The following NPAS3 variants were observed in gnomAD, a reference collection of about 807,000 sequenced individuals.
The protein encoded by NPAS3 is neuronal PAS domain protein 3, also known as neuronal PAS domain-containing protein 3.
NPAS3 carries 14 observed loss-of-function variants against 73.1 expected under a neutral mutation model. That is an observed-to-expected ratio of 0.19 (90% confidence interval 0.13 to 0.30). The LOEUF is 0.30. Ranked by LOEUF, NPAS3 falls within the 10% of genes least tolerant of loss-of-function variation. NPAS3 has a pLI of 1.00. For missense variants in NPAS3, 1,096 were observed against 1,250.0 expected, an observed-to-expected ratio of 0.88 and a Z score of 1.86; for synonymous variants, 620 against 541.5, an observed-to-expected ratio of 1.14 and a Z score of -2.01.
At chr14:33,389,131 C>T (rs2046896098) in intron 4 of NPAS3, among the ~76,000 whole-genome samples, 1 of 152,134 alleles carries the variant, frequency 6.6e-6, no homozygotes, top group Non-Finnish European at 1.5e-5. Context: ...ATCACACACT[C>T]TTGGCAAGAC....
chr14:33,123,353 C>T (rs148328096), intron 2 of NPAS3, among the ~76,000 whole-genome samples: 2,153 of 152,084 alleles, frequency 0.014, 21 homozygotes, highest in Non-Finnish European at 0.023. Context: ...ACAAGAGCAC[C>T]GTGTCAGGGA....
intron 6 of NPAS3, among the ~76,000 whole-genome samples, chr14:33,700,261 G>T (rs1481795581): frequency 6.6e-6 from 1 of 152,034 alleles, no homozygotes; most frequent in African/African-American, 2.4e-5. Flanking sequence ...TGTCTACCTC[G>T]CTGCTTCACA....
chr14:33,492,160 C>G (rs2051929095), intron 4 of NPAS3, among the ~76,000 whole-genome samples: 1 of 152,058 alleles, frequency 6.6e-6, no homozygotes, highest in South Asian at 2.1e-4. Flanking sequence ...AGATGTGTAA[C>G]CCCATTAACA....
intron 6 of NPAS3, among the ~76,000 whole-genome samples, chr14:33,677,124 G>T (rs1049125442): frequency 2.0e-5 from 3 of 152,180 alleles, no homozygotes; most frequent in Non-Finnish European, 4.4e-5. Context: ...TCATCAAGCT[G>T]TTCAAACACG....
intron 2 of NPAS3, among the ~76,000 whole-genome samples, chr14:33,085,990 A>C (rs2042012809): frequency 6.6e-6 from 1 of 152,122 alleles, no homozygotes; most frequent in South Asian, 2.1e-4. Context: ...AGTAGAAGGC[A>C]TATTGTCTCT....
At chr14:33,395,248 ATTAG>A (rs2047172392) in intron 4 of NPAS3, among the ~76,000 whole-genome samples, 1 of 152,176 alleles carries the variant, frequency 6.6e-6, no homozygotes, top group African/African-American at 2.4e-5. Flanking sequence ...TTAAAATAAT[ATTAG>A]TTCTGTCAGT....
In NPAS3 at chr14:33,004,255, C is replaced by T. The variant is rs80111562; in HGVS notation, c.51-51650C>T. 4.8e-3 allele frequency among the ~76,000 whole-genome samples: 724 copies of T among 152,178 alleles called. 3 individuals carry two copies. The highest frequency in any genetic ancestry group is 0.016 in the African/African-American group (653 of 41,510). The stretch of plus-strand genomic sequence containing the variant: ...TTAGGCTCCTTTGTCATTGTGCAAA[C>T]GTCATAGAGTACATTTACACAAACC... On this transcript the variant is annotated intron_variant, in intron 1 of 11. Coordinates refer to ENST00000356141, the Ensembl canonical transcript of NPAS3.
intron 2 of NPAS3, among the ~76,000 whole-genome samples, chr14:33,063,274 A>C (rs1222882651): frequency 6.6e-6 from 1 of 152,206 alleles, no homozygotes; most frequent in Non-Finnish European, 1.5e-5. Flanking sequence ...ACATACATTT[A>C]AAAAAATCCT....
intron 3 of NPAS3, among the ~76,000 whole-genome samples, chr14:33,229,048 A>G (rs1376557416): frequency 6.6e-6 from 1 of 152,192 alleles, no homozygotes; most frequent in Non-Finnish European, 1.5e-5. Context: ...ATGACATTTA[A>G]TGAGAATTGT....
Position 33,385,279 on chromosome 14 carries a change from G to A in NPAS3, c.468+18011G>A, listed in dbSNP as rs534072869. Among the ~76,000 whole-genome samples, 10 of 152,190 alleles carry A rather than the reference G, an allele frequency of 6.6e-5. No individual in the cohort carries two copies. In the East Asian group the frequency reaches 9.7e-4, roughly 15 times the overall value. On this transcript the variant is annotated intron_variant, in intron 4 of 11. Coordinates refer to ENST00000356141, the Ensembl canonical transcript of NPAS3. ...TGCCTTTGTTCACACAGCTGTTCTCGTGCTGTGGAGAAACTGCCACAGAAT... is the reference window on the plus strand; with the variant it reads ...TGCCTTTGTTCACACAGCTGTTCTCATGCTGTGGAGAAACTGCCACAGAAT...
At chr14:33,676,046 A>C (rs1282132176) in intron 5 of NPAS3, among the ~76,000 whole-genome samples, 165 bp from the exon 6 acceptor site, 1 of 151,858 alleles carries the variant, frequency 6.6e-6, no homozygotes, top group Non-Finnish European at 1.5e-5. Flanking sequence ...TTTCTCTTTC[A>C]CCTCAAGAAT....
chr14:33,090,409 A>G (rs1028542038), intron 2 of NPAS3, among the ~76,000 whole-genome samples: 9 of 152,348 alleles, frequency 5.9e-5, no homozygotes, highest in African/African-American at 1.9e-4. Flanking sequence ...GAAGGCCATT[A>G]CATAATGGTA....
chr14:32,966,606 T>TCAAAAAGCACAGGCAACAAAAGC (rs2037172772), intron 1 of NPAS3, among the ~76,000 whole-genome samples: 1 of 74,842 alleles, frequency 1.3e-5, no homozygotes, highest in Non-Finnish European at 3.1e-5. Context: ...CCGTCTCTAC[T>TCAAAAAGCACAGGCAACAAAAGC]AAAAATACAA....
chr14:33,426,330 G>C lies in NPAS3; in HGVS notation c.468+59062G>C, dbSNP rs547369815. Among the ~76,000 whole-genome samples the C allele has an allele frequency of 8.2e-4, 124 of 151,990 alleles. 1 individual carries two copies. The highest frequency in any genetic ancestry group is 5.0e-3 in the South Asian group (24 of 4,824). On this transcript the variant is annotated intron_variant, in intron 4 of 11. Coordinates refer to ENST00000356141, the Ensembl canonical transcript of NPAS3. ...CAGATGAAGCCTCCTGGCAGGGAGG[G>C]AGGTGTGGTGGAGGTAAGAGCTAAG...
chr14:33,413,011 T>C (rs1233998666), intron 4 of NPAS3, among the ~76,000 whole-genome samples: 1 of 152,158 alleles, frequency 6.6e-6, no homozygotes, highest in Non-Finnish European at 1.5e-5. Flanking sequence ...TTTTTAAAAA[T>C]ATAAGGGCTT....
chr14:33,640,938 A>G (rs74042351), intron 5 of NPAS3, among the ~76,000 whole-genome samples: 1,532 of 152,324 alleles, frequency 0.01, 32 homozygotes, highest in African/African-American at 0.035. Context: ...GTTAATAAAT[A>G]TGTATGTGCA....
intron 4 of NPAS3, among the ~76,000 whole-genome samples, chr14:33,518,205 T>C (rs1034113039): frequency 3.3e-5 from 5 of 151,800 alleles, no homozygotes; most frequent in Non-Finnish European, 7.4e-5. Context: ...GGGGGAGCCT[T>C]GTTGAGATGG....
intron 2 of NPAS3, among the ~76,000 whole-genome samples, chr14:33,200,225 A>G (rs965631365): frequency 6.6e-6 from 1 of 150,934 alleles, no homozygotes; most frequent in African/African-American, 2.4e-5. Context: ...CAAAAACCGC[A>G]GTTACTTTTG....
intron 3 of NPAS3, among the ~76,000 whole-genome samples, chr14:33,339,374 C>G (rs1359473547): frequency 6.6e-6 from 1 of 152,134 alleles, no homozygotes; most frequent in Non-Finnish European, 1.5e-5. Flanking sequence ...CACAGTACAG[C>G]AGCATCAGCT....
Sources: gnomAD v4.1 joint callset for allele counts (sites outside exome capture counted in the v4.1 genomes callset) on GRCh38, gnomAD v4.1.1 for gene constraint, MANE v1.5 for transcripts, NCBI Gene and HGNC (gene_info 2026-07-23, HGNC 2026-07-21) for gene names.